The following SAMD12 variants were observed in gnomAD, a reference collection of about 807,000 sequenced individuals.
SAMD12 encodes the protein sterile alpha motif domain containing 12.
A neutral mutation model predicts 15.0 loss-of-function variants in SAMD12; 9 were observed. The observed-to-expected ratio is 0.60, with a 90% CI of 0.36 to 1.05. The LOEUF is 1.05. Ranked by LOEUF, SAMD12 falls within the 50% of genes least tolerant of loss-of-function variation. The pLI is 0.01. For missense variants in SAMD12, 230 were observed against 234.2 expected (o/e 0.98, Z 0.12); for synonymous variants, 86 against 90.1 (o/e 0.96, Z 0.25).
chr8:118,166,023 A>T, the SAMD12 span, among the ~76,000 whole-genome samples: 1 of 152,162 alleles, frequency 6.6e-6, no homozygotes, highest in Non-Finnish European at 1.5e-5. Context: ...TTTTAGCTAG[A>T]GTTCTAGCTA....
chr8:118,541,542 G>A (rs10104761), intron 2 of SAMD12, among the ~76,000 whole-genome samples: 64,196 of 151,958 alleles, frequency 0.42, 13,886 homozygotes, highest in Non-Finnish European at 0.48. Context: ...GAAAATAATT[G>A]TAGACAGTAG....
chr8:118,356,758 G>T (rs1818247598), intron 4 of SAMD12, among the ~76,000 whole-genome samples: 1 of 151,974 alleles, frequency 6.6e-6, no homozygotes, highest in African/African-American at 2.4e-5. Context: ...GTCTCAAACT[G>T]ACCTCTCTCA....
intron 2 of SAMD12, among the ~76,000 whole-genome samples, chr8:118,473,739 A>T (rs1328863814): frequency 2.6e-5 from 4 of 152,148 alleles, no homozygotes; most frequent in Admixed American, 2.6e-4. Flanking sequence ...CGGCCTGGGA[A>T]GCATTGCTCT....
intron 1 of SAMD12, among the ~76,000 whole-genome samples, chr8:118,619,761 G>A (rs889751744): frequency 5.9e-5 from 9 of 152,114 alleles, no homozygotes; most frequent in Non-Finnish European, 2.9e-5. Context: ...TGAGCAGGAG[G>A]CACTTCCCAT....
chr8:118,499,665 G>GA (rs1824722385), intron 2 of SAMD12, among the ~76,000 whole-genome samples: 1 of 152,182 alleles, frequency 6.6e-6, no homozygotes, highest in South Asian at 2.1e-4. Flanking sequence ...CAGGGCTAGA[G>GA]AAAAAATGTG....
At chr8:118,340,407 CTTA>C (rs1290524547) in intron 4 of SAMD12, among the ~76,000 whole-genome samples, 1 of 152,082 alleles carries the variant, frequency 6.6e-6, no homozygotes, top group Admixed American at 6.5e-5. Flanking sequence ...CATTCTTGCC[CTTA>C]CAACTTAATT....
intron 4 of SAMD12, among the ~76,000 whole-genome samples, chr8:118,261,024 C>T (rs1362350376): frequency 6.6e-6 from 1 of 152,162 alleles, no homozygotes; most frequent in East Asian, 1.9e-4. Flanking sequence ...AACAAAGTGC[C>T]TGGCCCAGGG....
At chr8:118,446,524 T>C (rs933968917) in intron 2 of SAMD12, among the ~76,000 whole-genome samples, 8 of 152,224 alleles carry the variant, frequency 5.3e-5, no homozygotes, top group African/African-American at 1.7e-4. Context: ...TTTTCTTTTC[T>C]TCTCTTTTTT....
At chr8:118,570,461 T>C (rs1371311549) in intron 2 of SAMD12, among the ~76,000 whole-genome samples, 1 of 152,176 alleles carries the variant, frequency 6.6e-6, no homozygotes, top group African/African-American at 2.4e-5. Flanking sequence ...ACATGTTGTA[T>C]TTGGTTTTCT....
At chr8:118,577,016 G>C (rs984334916) in intron 2 of SAMD12, among the ~76,000 whole-genome samples, 1 of 152,230 alleles carries the variant, frequency 6.6e-6, no homozygotes, top group South Asian at 2.1e-4. Flanking sequence ...TAGCTGTGGC[G>C]TGGCATGGCA....
At chr8:118,326,669 T>C (rs1816578670) in intron 4 of SAMD12, among the ~76,000 whole-genome samples, 4 of 152,168 alleles carry the variant, frequency 2.6e-5, no homozygotes, top group Admixed American at 2.6e-4. Context: ...ATCCTGAGTA[T>C]CAAACCAAAT....
chr8:118,608,476 C>T (rs929771471), intron 1 of SAMD12, among the ~76,000 whole-genome samples: 3 of 151,990 alleles, frequency 2.0e-5, no homozygotes, highest in Non-Finnish European at 4.4e-5. Flanking sequence ...TTGCCTTAGA[C>T]GTGTACGTAG....
intron 2 of SAMD12, among the ~76,000 whole-genome samples, chr8:118,541,700 T>C (rs1825993474): frequency 6.6e-6 from 1 of 152,174 alleles, no homozygotes. Context: ...AAATTTCAAA[T>C]ATTAAAAAAA....
At chr8:118,261,231 T>A (rs1323402211) in intron 4 of SAMD12, among the ~76,000 whole-genome samples, 1 of 152,140 alleles carries the variant, frequency 6.6e-6, no homozygotes, top group African/African-American at 2.4e-5. Flanking sequence ...CTGTACTTTG[T>A]CATTTTCAAT....
chr8:118,478,693 C>T (rs1023169239), intron 2 of SAMD12, among the ~76,000 whole-genome samples: 2 of 152,182 alleles, frequency 1.3e-5, no homozygotes, highest in Admixed American at 1.3e-4. Flanking sequence ...CCACTCTGGG[C>T]TGCCTCTCTA....
intron 4 of SAMD12, among the ~76,000 whole-genome samples, chr8:118,317,227 T>C (rs1815963690): frequency 6.6e-6 from 1 of 152,150 alleles, no homozygotes; most frequent in Non-Finnish European, 1.5e-5. Flanking sequence ...TCTAAGGTAC[T>C]CTGTTGTGGT....
intron 2 of SAMD12, among the ~76,000 whole-genome samples, chr8:118,457,277 C>T (rs547273018): frequency 1.3e-5 from 2 of 149,356 alleles, no homozygotes; most frequent in South Asian, 4.2e-4. Context: ...CTTGCCCATG[C>T]TGGAGTGCGG....
the SAMD12 span, among the ~76,000 whole-genome samples, chr8:118,171,063 C>T: frequency 5.9e-5 from 9 of 152,126 alleles, no homozygotes; most frequent in Non-Finnish European, 1.2e-4. Flanking sequence ...TCAATAAGTA[C>T]ATATAAAAAT....
At chr8:118,365,373 T>A (rs1818711399) in intron 4 of SAMD12, among the ~76,000 whole-genome samples, 1 of 152,190 alleles carries the variant, frequency 6.6e-6, no homozygotes, top group African/African-American at 2.4e-5. Context: ...TAAATCAGCA[T>A]GCTAAGTAAA....
Sources: allele counts gnomAD v4.1 joint callset (sites outside exome capture counted in the v4.1 genomes callset), GRCh38; gene constraint gnomAD v4.1.1; transcripts MANE v1.5; gene names NCBI Gene and HGNC (gene_info 2026-07-23, HGNC 2026-07-21).